DENND1A: variants seen among roughly 807,000 people sequenced by gnomAD.
DENND1A encodes DENN domain-containing protein 1A.
A neutral mutation model predicts 113.7 loss-of-function variants in DENND1A; 51 were observed. The observed-to-expected ratio is 0.45, with a 90% CI of 0.36 to 0.57. The LOEUF (loss-of-function observed/expected upper bound fraction) is 0.57, where lower values mean the gene tolerates loss of function less well. DENND1A is among the 20% of genes least tolerant of loss of function. DENND1A has a pLI of 0.00. For synonymous variants in DENND1A, 565 were observed against 570.8 expected (o/e 0.99, Z 0.14); for missense variants, 1,258 against 1,395.9 (o/e 0.90, Z 1.57).
intron 5 of DENND1A, among the ~76,000 whole-genome samples, chr9:123,741,812 T>C (rs1411712898): frequency 6.6e-6 from 1 of 152,176 alleles, no homozygotes; most frequent in African/African-American, 2.4e-5. Context: ...TTGAGCAACA[T>C]AGCACAACGC....
intron 12 of DENND1A, among the ~76,000 whole-genome samples, chr9:123,576,202 C>T (rs1430810920): frequency 6.6e-6 from 1 of 152,144 alleles, no homozygotes; most frequent in Non-Finnish European, 1.5e-5. Flanking sequence ...ATACAGGTAA[C>T]GTAACAACCT....
chr9:123,416,197 T>C (rs1326354870), intron 19 of DENND1A, among the ~76,000 whole-genome samples: 1 of 152,100 alleles, frequency 6.6e-6, no homozygotes. Flanking sequence ...TCAGCTCTGG[T>C]TGTCTGCATC....
chr9:123,761,777 G>A (rs2131493722), intron 4 of DENND1A, among the ~76,000 whole-genome samples: 1 of 152,240 alleles, frequency 6.6e-6, no homozygotes, highest in East Asian at 1.9e-4. Context: ...ACTTAAAAGG[G>A]TTCTGAATCT....
intron 5 of DENND1A, among the ~76,000 whole-genome samples, chr9:123,712,685 A>G (rs901402837): frequency 6.6e-6 from 1 of 152,230 alleles, no homozygotes; most frequent in Non-Finnish European, 1.5e-5. Flanking sequence ...AACAGTGGAA[A>G]TGTTGGCTTC....
At chr9:123,627,455 CACA>C (rs2061277874) in intron 10 of DENND1A, among the ~76,000 whole-genome samples, 1 of 152,228 alleles carries the variant, frequency 6.6e-6, no homozygotes, top group Non-Finnish European at 1.5e-5. Context: ...TGAAAAAGCT[CACA>C]ACAACAGGCA....
At chr9:123,814,162 T>C (rs979315378) in intron 2 of DENND1A, among the ~76,000 whole-genome samples, 2 of 152,206 alleles carry the variant, frequency 1.3e-5, no homozygotes, top group African/African-American at 2.4e-5. Context: ...ATAATATGTT[T>C]CTGAATATGA....
Position 123,925,507 on chromosome 9 carries a change from G to A in DENND1A, c.17+4382C>T, listed in dbSNP as rs538266310. 2.6e-5 allele frequency among the ~76,000 whole-genome samples: 4 copies of A among 152,264 alleles called. No homozygotes were observed. The South Asian group carries it at 6.2e-4, about 24-fold the overall frequency. ...TGTTGTTTTGTTTTGTTTTGGTGGGGAGGGAGTCTGGAAGGGATTGTTTTT... is the reference window on the plus strand; with the variant it reads ...TGTTGTTTTGTTTTGTTTTGGTGGGAAGGGAGTCTGGAAGGGATTGTTTTT... On this transcript the variant is annotated intron_variant, in intron 1 of 23. Transcript: ENST00000394215.
chr9:123,887,997 TTCCCAGC>T (rs1167068639), intron 1 of DENND1A, among the ~76,000 whole-genome samples: 1 of 152,178 alleles, frequency 6.6e-6, no homozygotes, highest in Non-Finnish European at 1.5e-5. Context: ...GCACACATAT[TTCCCAGC>T]TCTGGCTACT....
intron 13 of DENND1A, among the ~76,000 whole-genome samples, chr9:123,549,421 C>G (rs1182698683): frequency 6.6e-6 from 1 of 152,072 alleles, no homozygotes; most frequent in Admixed American, 6.5e-5. Flanking sequence ...AGTGCGCACC[C>G]TCCCACCCAT....
intron 10 of DENND1A, among the ~76,000 whole-genome samples, chr9:123,623,663 A>G (rs1298824616): frequency 6.6e-6 from 1 of 152,258 alleles, no homozygotes; most frequent in African/African-American, 2.4e-5. Flanking sequence ...GTTAACTCAG[A>G]TGATTGTATG....
At chr9:123,428,592 G>T (rs560185752) in intron 19 of DENND1A, among the ~76,000 whole-genome samples, 1 of 152,188 alleles carries the variant, frequency 6.6e-6, no homozygotes, top group African/African-American at 2.4e-5. Flanking sequence ...CATTCAAATA[G>T]AAAGACAGGA....
At chr9:123,425,203 T>C (rs187725148) in intron 19 of DENND1A, among the ~76,000 whole-genome samples, 131 of 152,382 alleles carry the variant, frequency 8.6e-4, no homozygotes, top group Middle Eastern at 3.4e-3. Flanking sequence ...CAGAGAATTC[T>C]AATCTGAGAA....
At chr9:123,473,675 T>C (rs900568691) in intron 13 of DENND1A, among the ~76,000 whole-genome samples, 7 of 152,220 alleles carry the variant, frequency 4.6e-5, no homozygotes, top group African/African-American at 1.2e-4. Flanking sequence ...ATTTTTGTAG[T>C]TCTCTGACCA....
At chr9:123,449,601 T>TA (rs926988319) in intron 18 of DENND1A, among the ~76,000 whole-genome samples, 16 of 150,706 alleles carry the variant, frequency 1.1e-4, no homozygotes, top group African/African-American at 3.4e-4. Context: ...CATAATAATA[T>TA]AAAAAAGCCC....
intron 18 of DENND1A, among the ~76,000 whole-genome samples, chr9:123,448,329 A>G (rs1352318898): frequency 1.3e-5 from 2 of 152,232 alleles, no homozygotes; most frequent in African/African-American, 4.8e-5. Context: ...TACTTATCAT[A>G]AGAAGGGGAT....
chr9:123,466,262 G>T (rs750557146), intron 13 of DENND1A, among the ~76,000 whole-genome samples: 21 of 152,072 alleles, frequency 1.4e-4, no homozygotes, highest in Non-Finnish European at 1.8e-4. Context: ...CTCCCAAAAT[G>T]CTGGGATTAC....
intron 13 of DENND1A, among the ~76,000 whole-genome samples, chr9:123,549,563 C>T (rs1250562153): frequency 1.3e-5 from 2 of 152,090 alleles, no homozygotes; most frequent in African/African-American, 4.8e-5. Flanking sequence ...TTCTTCCACT[C>T]AGAAGGCTTT....
At chr9:123,591,618 C>T (rs1039199421) in intron 11 of DENND1A, among the ~76,000 whole-genome samples, 6 of 152,196 alleles carry the variant, frequency 3.9e-5, no homozygotes, top group Non-Finnish European at 8.8e-5. Context: ...AGGACCATCT[C>T]CAGGGCAGAG....
intron 13 of DENND1A, among the ~76,000 whole-genome samples, chr9:123,477,387 T>C (rs566075764): frequency 1.3e-5 from 2 of 149,960 alleles, no homozygotes; most frequent in South Asian, 2.1e-4. Flanking sequence ...CCCATCTCTA[T>C]AAATTTTTTT....
Sources: allele counts gnomAD v4.1 joint callset (sites outside exome capture counted in the v4.1 genomes callset), GRCh38; gene constraint gnomAD v4.1.1; transcripts MANE v1.5; gene names NCBI Gene and HGNC (gene_info 2026-07-23, HGNC 2026-07-21).